The following ATAD2B variants were observed in gnomAD, a reference collection of about 807,000 sequenced individuals.
ATAD2B encodes the protein ATPase family AAA domain-containing protein 2B.
ATAD2B carries 40 observed loss-of-function variants against 167.6 expected under a neutral mutation model. That is an observed-to-expected ratio of 0.24 (90% CI 0.19 to 0.31). The LOEUF is 0.31. Ranked by LOEUF, ATAD2B falls within the 10% of genes least tolerant of loss-of-function variation. The probability of loss-of-function intolerance (pLI) is 1.00; values close to 1 mark genes in which losing one functional copy is unlikely to be tolerated. For synonymous variants in ATAD2B, 579 were observed against 596.5 expected, an observed-to-expected ratio of 0.97 and a Z score of 0.43; for missense variants, 1,242 against 1,757.2, an observed-to-expected ratio of 0.71 and a Z score of 5.24.
chr2:23,867,911 G>C lies in ATAD2B; in HGVS notation c.1112C>G (p.Ala371Gly), dbSNP rs765547759. Residue 371 changes from alanine to glycine, a missense_variant, in exon 10 of 28, where the codon GCT (alanine) becomes GGT (glycine). Physicochemically the swap from Ala to Gly is moderately conservative, Grantham distance 60 (BLOSUM62 0). Around this residue, in one of 9 missense-constraint regions of ATAD2B, gnomAD observed 127 missense variants for 146.3 expected, o/e 0.87. Coordinates refer to ENST00000238789, the MANE Select transcript of ATAD2B (RefSeq NM_017552.4). Reference protein sequence around the residue: ...LPMNFRAEDLASGILRERVKV... With the variant: ...LPMNFRAEDLGSGILRERVKV... The stretch of plus-strand genomic sequence containing the variant: ...CACTCGTTCTCGGAGAATACCGCTA[G>C]CTAAGTCCTCTGCTCTGAAGTTCAT... 5.0e-6 allele frequency: 8 copies of C among 1,613,560 alleles called. No individual in the cohort carries two copies. Among genetic ancestry groups the C allele is most frequent in the Non-Finnish European group, 6.8e-6 (8 of 1,179,748 alleles).
intron 16 of ATAD2B, among the ~76,000 whole-genome samples, chr2:23,822,520 A>C (rs2149650043): frequency 6.6e-6 from 1 of 151,996 alleles, no homozygotes; most frequent in Non-Finnish European, 1.5e-5. Context: ...ATTCCAACCT[A>C]GGTGACAGAG....
At chr2:23,736,878 T>A in the ATAD2B span, among the ~76,000 whole-genome samples, 1 of 152,090 alleles carries the variant, frequency 6.6e-6, no homozygotes, top group East Asian at 1.9e-4. Context: ...TTAAAAAAGG[T>A]CACACCAGGA....
Position 23,890,108 on chromosome 2 carries a change from G to A in ATAD2B, c.369-1709C>T, listed in dbSNP as rs534907158. ...CAGGCACCTGCAGTCCCAGCTACTC[G>A]GGAGGCTGAGGCAGGAGAATGGCGT... On this transcript the variant is annotated intron_variant, in intron 2 of 27. Transcript: ENST00000238789. Among the ~76,000 whole-genome samples, 42 of 152,070 alleles carry A rather than the reference G, an allele frequency of 2.8e-4. No homozygotes were observed. In the Middle Eastern group the frequency reaches 0.01, roughly 37 times the overall value.
At chr2:23,886,669 C>T (rs1042432566) in intron 4 of ATAD2B, among the ~76,000 whole-genome samples, 7 of 152,002 alleles carry the variant, frequency 4.6e-5, no homozygotes, top group Non-Finnish European at 8.8e-5. Context: ...CGGTGGCTCA[C>T]GCCTGTAATC....
chr2:23,854,568 C>T (rs1262279934), intron 13 of ATAD2B, among the ~76,000 whole-genome samples: 2 of 151,756 alleles, frequency 1.3e-5, no homozygotes, highest in African/African-American at 4.8e-5. Context: ...ATCCCAGCTA[C>T]TCGGGGGGCC....
At chr2:23,878,415 T>C (rs923185306) in intron 7 of ATAD2B, among the ~76,000 whole-genome samples, 12 of 151,474 alleles carry the variant, frequency 7.9e-5, no homozygotes, top group African/African-American at 2.4e-4. Context: ...TCCCAGGACT[T>C]TGGGAGGCTG....
At position 23,811,792 on chromosome 2, in the gene ATAD2B, G is replaced by C. The variant is rs1224895341; in HGVS notation, c.2268-1290C>G. On this transcript the variant is annotated intron_variant, in intron 17 of 27. Coordinates refer to ENST00000238789, the MANE Select transcript of ATAD2B (RefSeq NM_017552.4). Reference sequence around the variant, plus strand: ...ATGTAGGTTGTTTATAAATTAATCTGTTTAAGGTATTTTGTTACAGCAGCA... The same window carrying C: ...ATGTAGGTTGTTTATAAATTAATCTCTTTAAGGTATTTTGTTACAGCAGCA... 1.1e-4 allele frequency among the ~76,000 whole-genome samples: 17 copies of C among 152,038 alleles called. No homozygotes were observed. The South Asian group carries it at 3.1e-3, about 28-fold the overall frequency.
At chr2:23,693,185 A>AAGGATCT in the ATAD2B span, 1 of 1,449,072 alleles carries the variant, frequency 6.9e-7, no homozygotes, top group Non-Finnish European at 9.2e-7. Context: ...GGGTTCAGAG[A>AAGGATCT]AGGATCTAGG....
Position 23,887,964 on chromosome 2 carries a change from C to A in ATAD2B, c.440G>T (p.Arg147Leu). The change falls in exon 4 of 28, where the codon CGA (arginine) becomes CTA (leucine). Residue 147 changes from arginine (R) to leucine (L), a missense_variant. Arg to Leu is a moderately radical substitution (Grantham distance 102). Coordinates refer to ENST00000238789, the MANE Select transcript of ATAD2B (RefSeq NM_017552.4). ...SGLSLRSHPL[R>L]GEKKGDGDLS... Reference sequence around the variant, plus strand: ...GTCCCCATCTCCCTTCTTTTCCCCTCGAAGGGGATGGCTTCGAAGGGCTAC... The same window carrying A: ...GTCCCCATCTCCCTTCTTTTCCCCTAGAAGGGGATGGCTTCGAAGGGCTAC... 1 of 1,597,676 alleles carries A rather than the reference C, an allele frequency of 6.3e-7. No individual in the cohort carries two copies. Among genetic ancestry groups the A allele is most frequent in the Non-Finnish European group, 8.5e-7 (1 of 1,174,082 alleles).
intron 11 of ATAD2B, among the ~76,000 whole-genome samples, chr2:23,864,022 C>CT (rs35664691): frequency 0.45 from 63,946 of 143,610 alleles, 14,857 homozygotes; most frequent in East Asian, 0.78. Flanking sequence ...TCTGAATATT[C>CT]TTTTTTTTTT....
intron 17 of ATAD2B, among the ~76,000 whole-genome samples, chr2:23,814,890 T>TA (rs1368140174): frequency 6.6e-6 from 1 of 151,568 alleles, no homozygotes; most frequent in Non-Finnish European, 1.5e-5. Context: ...CTGACTCTAC[T>TA]AAAAATACAA....
the ATAD2B span, chr2:23,684,530 A>C: frequency 6.5e-7 from 1 of 1,546,358 alleles, no homozygotes; most frequent in Non-Finnish European, 8.7e-7. This position sits in a 1 kb window ranked among gnomAD's most constrained non-coding sequence, Gnocchi z 4.4. Context: ...CAAGGACCTG[A>C]TTCAAAGGTT....
At chr2:23,794,303 T>G (rs1682265070) in intron 19 of ATAD2B, among the ~76,000 whole-genome samples, 1 of 152,190 alleles carries the variant, frequency 6.6e-6, no homozygotes, top group African/African-American at 2.4e-5. Context: ...GGCCACCACA[T>G]CCAGCCAGCA....
chr2:23,739,699 T>C, the ATAD2B span, among the ~76,000 whole-genome samples: 1 of 151,942 alleles, frequency 6.6e-6, no homozygotes. Flanking sequence ...ATAACTAAGA[T>C]CAGAGCATAA....
At chr2:23,706,890 T>A in the ATAD2B span, 7 of 462,086 alleles carry the variant, frequency 1.5e-5, no homozygotes, top group African/African-American at 2.0e-5. Context: ...GATCCCGCCA[T>A]GGGGCTGGCT....
intron 15 of ATAD2B, among the ~76,000 whole-genome samples, chr2:23,826,190 G>T (rs764642822): frequency 2.0e-5 from 3 of 152,082 alleles, no homozygotes; most frequent in African/African-American, 7.2e-5. Context: ...GAAAGCTTTA[G>T]AAGTGACTCT....
chr2:23,723,422 G>C, the ATAD2B span, among the ~76,000 whole-genome samples: 1 of 134,650 alleles, frequency 7.4e-6, no homozygotes, highest in African/African-American at 2.7e-5. Context: ...GAGGAGGGGA[G>C]AGGAGGAAAG....
At chr2:23,913,242 G>C (rs1298312731) in intron 1 of ATAD2B, among the ~76,000 whole-genome samples, 1 of 152,186 alleles carries the variant, frequency 6.6e-6, no homozygotes, top group Non-Finnish European at 1.5e-5. Flanking sequence ...TACAAACTAT[G>C]TTAAGTGAGA....
intron 2 of ATAD2B, among the ~76,000 whole-genome samples, chr2:23,890,428 GTA>G (rs750145402): frequency 6.6e-6 from 1 of 152,026 alleles, no homozygotes; most frequent in Admixed American, 6.6e-5. Context: ...GATTCTCCAG[GTA>G]TATGAGTGTG....
Sources: gnomAD v4.1 joint callset for allele counts (sites outside exome capture counted in the v4.1 genomes callset) on GRCh38, gnomAD v4.1.1 for gene constraint, gnomAD v4.1.1 regional missense constraint, Gnocchi (gnomAD v3.1) non-coding constraint, MANE v1.5 for transcripts, NCBI Gene and HGNC (gene_info 2026-07-23, HGNC 2026-07-21) for gene names.